The following SNTG2 variants were observed in gnomAD, a reference collection of about 807,000 sequenced individuals.
The protein encoded by SNTG2 is syntrophin gamma 2, also known as gamma-2-syntrophin.
A neutral mutation model predicts 70.9 loss-of-function variants in SNTG2; 74 were observed. That is an observed-to-expected ratio of 1.04 (90% CI 0.86 to 1.27). The LOEUF (loss-of-function observed/expected upper bound fraction) is 1.27. Ranked by LOEUF, SNTG2 falls within the 50% of genes most tolerant of loss-of-function variation. SNTG2 has a pLI of 0.00. For missense variants in SNTG2, 717 were observed against 690.7 expected (o/e 1.04, Z -0.43); for synonymous variants, 278 against 273.8 (o/e 1.02, Z -0.15).
intron 8 of SNTG2, among the ~76,000 whole-genome samples, chr2:1,184,740 G>A (rs746385781): frequency 1.3e-5 from 2 of 152,152 alleles, no homozygotes; most frequent in Non-Finnish European, 2.9e-5. Context: ...CCTCCCATCA[G>A]GCCCTTCTTC....
intron 4 of SNTG2, among the ~76,000 whole-genome samples, chr2:1,120,440 C>T (rs1667308850): frequency 6.6e-6 from 1 of 152,056 alleles, no homozygotes; most frequent in South Asian, 2.1e-4. Context: ...TACATTCTCC[C>T]ATCAAAAGAC....
At chr2:1,029,779 C>A (rs1288427256) in intron 1 of SNTG2, among the ~76,000 whole-genome samples, 1 of 152,222 alleles carries the variant, frequency 6.6e-6, no homozygotes, top group African/African-American at 2.4e-5. Flanking sequence ...TGATGCATGT[C>A]ATTGGCAAGA....
Position 1,117,722 on chromosome 2 carries a change from A to T in SNTG2, c.325+19312A>T, listed in dbSNP as rs192702057. The stretch of plus-strand genomic sequence containing the variant: ...AGGTTCCTGCCTCCCCAGGGCATGG[A>T]GTCCTCACTGCACTGCTCCCCACCT... On this transcript the variant is annotated intron_variant, in intron 4 of 16. Coordinates refer to ENST00000308624, the MANE Select transcript of SNTG2 (RefSeq NM_018968.4). Among the ~76,000 whole-genome samples the T allele has an allele frequency of 2.0e-5, 3 of 152,328 alleles. No homozygotes were observed. In the East Asian group the frequency reaches 5.8e-4, roughly 30 times the overall value.
At chr2:1,170,168 G>A (rs1460762792) in intron 7 of SNTG2, among the ~76,000 whole-genome samples, 1 of 152,132 alleles carries the variant, frequency 6.6e-6, no homozygotes, top group Non-Finnish European at 1.5e-5. Context: ...ATAAACAACC[G>A]TTTGAGACTG....
intron 12 of SNTG2, chr2:1,256,303 GAC>G (rs1312475251): frequency 6.6e-6 from 1 of 152,058 alleles, no homozygotes; most frequent in African/African-American, 2.4e-5. Context: ...TGACTGTATA[GAC>G]ACACACGCAC....
intron 8 of SNTG2, among the ~76,000 whole-genome samples, chr2:1,203,758 T>C (rs1352141402): frequency 6.6e-6 from 1 of 151,378 alleles, no homozygotes; most frequent in Non-Finnish European, 1.5e-5. Context: ...ATAGCCCTCA[T>C]GAATGTAGAT....
chr2:1,034,534 A>G (rs1161669957), intron 1 of SNTG2, among the ~76,000 whole-genome samples: 1 of 152,220 alleles, frequency 6.6e-6, no homozygotes, highest in Non-Finnish European at 1.5e-5. Flanking sequence ...GAATCACCAC[A>G]CTGCCTTCCA....
intron 8 of SNTG2, among the ~76,000 whole-genome samples, chr2:1,180,327 A>G (rs113523454): frequency 3.5e-3 from 419 of 120,066 alleles, no homozygotes; most frequent in East Asian, 0.017. Flanking sequence ...ATCTGACAAA[A>G]GGCTAATATC....
chr2:1,316,467 T>C lies in SNTG2; in HGVS notation c.1488+92T>C, dbSNP rs79177291. On this transcript the variant is annotated intron_variant, in intron 16 of 16. Coordinates refer to ENST00000308624, the MANE Select transcript of SNTG2 (RefSeq NM_018968.4). Reference sequence around the variant, plus strand: ...CTGGTAAAAATCTCCACCCCTCCCATGCACACAAAAATAAACCAATAGGTC... The same window carrying C: ...CTGGTAAAAATCTCCACCCCTCCCACGCACACAAAAATAAACCAATAGGTC... 2,106 of 624,718 alleles carry C rather than the reference T, an allele frequency of 3.4e-3. 32 individuals carry two copies. In the African/African-American group the frequency reaches 0.034, roughly 10 times the overall value. 38.7% of individuals were successfully genotyped at this position (624,718 alleles called of 1,614,324 possible). A position where few individuals can be genotyped will look rare whatever the true frequency, so the allele number is the denominator to read the frequency against.
intron 6 of SNTG2, among the ~76,000 whole-genome samples, chr2:1,162,865 C>G (rs115063795): frequency 6.6e-6 from 1 of 152,190 alleles, no homozygotes; most frequent in Non-Finnish European, 1.5e-5. Context: ...TTCTATTTCA[C>G]AGTCACTTTG....
chr2:1,019,536 G>C (rs542906958), intron 1 of SNTG2, among the ~76,000 whole-genome samples: 21 of 152,284 alleles, frequency 1.4e-4, no homozygotes, highest in Admixed American at 1.2e-3. Flanking sequence ...CAGGGTCAAA[G>C]TGGCTCCAAG....
chr2:1,283,241 T>A (rs1022352646), intron 14 of SNTG2, among the ~76,000 whole-genome samples: 2 of 152,074 alleles, frequency 1.3e-5, no homozygotes, highest in South Asian at 4.1e-4. Context: ...GTGGTCACCC[T>A]CCGAAGTCAC....
At chr2:1,190,651 G>T (rs1305432366) in intron 8 of SNTG2, among the ~76,000 whole-genome samples, 2 of 150,524 alleles carry the variant, frequency 1.3e-5, no homozygotes, top group African/African-American at 2.4e-5. Flanking sequence ...ATAAAGGACA[G>T]CAAAATAGAA....
intron 1 of SNTG2, among the ~76,000 whole-genome samples, chr2:1,060,643 C>T (rs564316006): frequency 5.9e-5 from 9 of 152,042 alleles, no homozygotes; most frequent in Middle Eastern, 3.4e-3. Context: ...GGCCAAGCCT[C>T]GAATAATTCA....
chr2:1,361,913 A>G (rs1270408512), intron 16 of SNTG2, among the ~76,000 whole-genome samples: 2 of 92,178 alleles, frequency 2.2e-5, no homozygotes, highest in African/African-American at 7.9e-5. Flanking sequence ...CATGAAGGTC[A>G]CCAACGCTGA....
chr2:1,279,875 C>T (rs778939055), intron 14 of SNTG2, among the ~76,000 whole-genome samples: 2 of 152,198 alleles, frequency 1.3e-5, no homozygotes, highest in Non-Finnish European at 2.9e-5. Flanking sequence ...GCACATGCTG[C>T]CTTTTTAAAA....
intron 12 of SNTG2, among the ~76,000 whole-genome samples, chr2:1,258,700 T>G (rs1353938558): frequency 4.6e-5 from 7 of 152,188 alleles, no homozygotes; most frequent in Admixed American, 2.0e-4. Context: ...ATTTTAGATT[T>G]TTCTGCATGA....
intron 8 of SNTG2, among the ~76,000 whole-genome samples, chr2:1,195,797 C>A (rs762818877): frequency 2.0e-5 from 3 of 151,844 alleles, no homozygotes; most frequent in Non-Finnish European, 4.4e-5. Context: ...AGTCTTTGCC[C>A]AAGGCAAAAT....
At chr2:1,342,050 G>T (rs937329298) in intron 16 of SNTG2, among the ~76,000 whole-genome samples, 1 of 151,854 alleles carries the variant, frequency 6.6e-6, no homozygotes, top group Admixed American at 6.6e-5. Context: ...CTGTAGCCTG[G>T]GACTTAGGTA....
Sources: gnomAD v4.1 joint callset for allele counts (sites outside exome capture counted in the v4.1 genomes callset) on GRCh38, gnomAD v4.1.1 for gene constraint, MANE v1.5 for transcripts, NCBI Gene and HGNC (gene_info 2026-07-23, HGNC 2026-07-21) for gene names.